The following RHBDD1 variants were observed in gnomAD, a reference collection of about 807,000 sequenced individuals.
The protein encoded by RHBDD1 is rhomboid domain containing 1.
A neutral mutation model predicts 36.3 loss-of-function variants in RHBDD1; 38 were observed. That is an observed-to-expected ratio of 1.05 (90% CI 0.81 to 1.37). The LOEUF (loss-of-function observed/expected upper bound fraction) is 1.37, where lower values mean the gene tolerates loss of function less well. Among genes scored for constraint, RHBDD1 ranks in the 40% most tolerant of loss-of-function variants. The probability of loss-of-function intolerance (pLI) is 0.00; values close to 1 mark genes in which losing one functional copy is unlikely to be tolerated. For synonymous variants in RHBDD1, 151 were observed against 136.5 expected (o/e 1.11, Z -0.74); for missense variants, 393 against 377.6 (o/e 1.04, Z -0.34).
At chr2:226,915,885 C>T (rs939053423) in intron 8 of RHBDD1, among the ~76,000 whole-genome samples, 4 of 152,166 alleles carry the variant, frequency 2.6e-5, no homozygotes, top group African/African-American at 4.8e-5. Context: ...TTTGTTCTTG[C>T]TCATGAGTAT....
chr2:226,843,481 G>C (rs1295165028), intron 3 of RHBDD1, among the ~76,000 whole-genome samples: 3 of 152,112 alleles, frequency 2.0e-5, no homozygotes, highest in African/African-American at 7.2e-5. Flanking sequence ...TAACATGAAG[G>C]GATGTTGAAT....
In RHBDD1 at chr2:226,950,184, C is replaced by T. The variant is rs530509359; in HGVS notation, c.856+35833C>T. 3.9e-5 allele frequency among the ~76,000 whole-genome samples: 6 copies of T among 152,270 alleles called. No homozygotes were observed. The East Asian group carries it at 1.2e-3, about 29-fold the overall frequency. On this transcript the variant is annotated intron_variant, in intron 8 of 8. Coordinates refer to ENST00000392062, the MANE Select transcript of RHBDD1 (RefSeq NM_001167608.3). ...CTCTGTCTAACTGAAATTTTGTACC[C>T]TTTGACCCAGGGTCTCCCCAGCTTG...
At chr2:226,898,106 T>A (rs1177447418) in intron 5 of RHBDD1, among the ~76,000 whole-genome samples, 1 of 152,214 alleles carries the variant, frequency 6.6e-6, no homozygotes, top group Non-Finnish European at 1.5e-5. Flanking sequence ...TCTGCCCTCA[T>A]GACCCAGTCA....
At chr2:226,868,543 CTG>C (rs1944525047) in intron 5 of RHBDD1, among the ~76,000 whole-genome samples, 1 of 152,206 alleles carries the variant, frequency 6.6e-6, no homozygotes, top group African/African-American at 2.4e-5. Context: ...TACTGTGGGA[CTG>C]GACGTTGGCA....
intron 5 of RHBDD1, among the ~76,000 whole-genome samples, chr2:226,879,063 C>A (rs1326690289): frequency 8.2e-6 from 1 of 121,988 alleles, no homozygotes; most frequent in East Asian, 2.2e-4. Flanking sequence ...TGTGTCACAA[C>A]TGGCATTCCA....
intron 8 of RHBDD1, among the ~76,000 whole-genome samples, chr2:226,943,178 G>A (rs1453392426): frequency 6.6e-6 from 1 of 152,218 alleles, no homozygotes; most frequent in Non-Finnish European, 1.5e-5. Flanking sequence ...AGAGCCAGAT[G>A]TGAGAGTCAC....
chr2:226,922,202 CTTTTTTTTTTTTTT>C (rs1017204610), intron 8 of RHBDD1, among the ~76,000 whole-genome samples: 2 of 105,042 alleles, frequency 1.9e-5, no homozygotes, highest in Non-Finnish European at 3.7e-5. Context: ...TATCTTTTTC[CTTTTTTTTTTTTTT>C]TTTTTTTTTG....
At chr2:226,951,492 TTAA>T (rs1440621770) in intron 8 of RHBDD1, among the ~76,000 whole-genome samples, 1 of 152,238 alleles carries the variant, frequency 6.6e-6, no homozygotes, top group African/African-American at 2.4e-5. Context: ...AGTTTTCAAA[TTAA>T]TTTTTTTAAG....
intron 8 of RHBDD1, among the ~76,000 whole-genome samples, chr2:226,972,121 C>A (rs1387303710): frequency 6.6e-6 from 1 of 152,070 alleles, no homozygotes; most frequent in African/African-American, 2.4e-5. Flanking sequence ...CTGTTCCACT[C>A]CCTGTATCCA....
chr2:226,805,492 C>T, the RHBDD1 span, among the ~76,000 whole-genome samples: 4 of 152,218 alleles, frequency 2.6e-5, no homozygotes, highest in African/African-American at 4.8e-5. Flanking sequence ...GGATTATAGG[C>T]GTGTGCCACC....
intron 5 of RHBDD1, among the ~76,000 whole-genome samples, chr2:226,897,981 AAAAAC>A (rs1439116835): frequency 1.3e-5 from 2 of 150,494 alleles, no homozygotes; most frequent in Non-Finnish European, 2.9e-5. Context: ...CTCCGTCTCA[AAAAAC>A]AAAACAACAA....
intron 8 of RHBDD1, chr2:226,988,324 A>C: frequency 6.5e-7 from 1 of 1,548,508 alleles, no homozygotes; most frequent in Non-Finnish European, 8.7e-7. Context: ...CCACCTGAAC[A>C]TCTGCAGGAA....
intron 3 of RHBDD1, among the ~76,000 whole-genome samples, chr2:226,852,919 ATTATTATTATTATTATTATTATTATT>A (rs1942966377): frequency 6.9e-6 from 1 of 145,894 alleles, no homozygotes; most frequent in Non-Finnish European, 1.5e-5. Flanking sequence ...TATTATTATT[ATTATTATTATTATTATTATTATTATT>A]ATTTGTAGAG....
chr2:226,861,021 G>A (rs965881398), intron 3 of RHBDD1, among the ~76,000 whole-genome samples: 9 of 152,274 alleles, frequency 5.9e-5, no homozygotes, highest in African/African-American at 2.2e-4. Flanking sequence ...CTTGATACAT[G>A]TTTATTAAAT....
At chr2:226,836,994 A>G (rs1201611213) in intron 1 of RHBDD1, among the ~76,000 whole-genome samples, 1 of 152,222 alleles carries the variant, frequency 6.6e-6, no homozygotes, top group Non-Finnish European at 1.5e-5. Context: ...GGAAATGCAC[A>G]TTTTGGGGTC....
chr2:226,973,095 C>G (rs776810781), intron 8 of RHBDD1, among the ~76,000 whole-genome samples: 2 of 152,202 alleles, frequency 1.3e-5, no homozygotes, highest in Non-Finnish European at 2.9e-5. Context: ...CACAGAAGTT[C>G]CTCCCTGGAC....
intron 5 of RHBDD1, among the ~76,000 whole-genome samples, chr2:226,886,759 G>C (rs1158354621): frequency 1.9e-4 from 29 of 152,070 alleles, no homozygotes. Context: ...AAAGATTTTA[G>C]ACATAAACAT....
chr2:226,930,172 A>G (rs1208859872), intron 8 of RHBDD1, among the ~76,000 whole-genome samples: 2 of 152,042 alleles, frequency 1.3e-5, no homozygotes, highest in African/African-American at 2.4e-5. Context: ...AAAAATTCAT[A>G]TGGAACCAAA....
At chr2:226,906,722 C>T (rs1483744896) in intron 5 of RHBDD1, 71 bp from the exon 6 acceptor site, 1 of 1,612,048 alleles carries the variant, frequency 6.2e-7, no homozygotes, top group African/African-American at 1.3e-5. Flanking sequence ...ATGCACTGGG[C>T]TAATGAGAAG....
Sources: gnomAD v4.1 joint callset for allele counts (sites outside exome capture counted in the v4.1 genomes callset) on GRCh38, gnomAD v4.1.1 for gene constraint, MANE v1.5 for transcripts, NCBI Gene and HGNC (gene_info 2026-07-23, HGNC 2026-07-21) for gene names.